The following LRRC4C variants were observed in gnomAD, a reference collection of about 807,000 sequenced individuals.
The protein encoded by LRRC4C is leucine-rich repeat-containing protein 4C.
LRRC4C carries 5 observed loss-of-function variants against 33.6 expected under a neutral mutation model. The observed-to-expected ratio is 0.15, with a 90% confidence interval of 0.08 to 0.31. The LOEUF (loss-of-function observed/expected upper bound fraction) is 0.31. LRRC4C is among the 10% of genes least tolerant of loss of function. The probability of loss-of-function intolerance (pLI) is 1.00; values close to 1 mark genes in which losing one functional copy is unlikely to be tolerated. For synonymous variants in LRRC4C, 329 were observed against 302.0 expected, an observed-to-expected ratio of 1.09 and a Z score of -0.93; for missense variants, 560 against 796.7, an observed-to-expected ratio of 0.70 and a Z score of 3.58.
At chr11:41,177,450 G>A (rs2136131140) in intron 1 of LRRC4C, among the ~76,000 whole-genome samples, 1 of 152,210 alleles carries the variant, frequency 6.6e-6, no homozygotes, top group East Asian at 1.9e-4. Flanking sequence ...AACTCCAACT[G>A]GCCTGCAGAG....
At chr11:41,442,254 C>T (rs549622099) in intron 1 of LRRC4C, among the ~76,000 whole-genome samples, 1 of 151,698 alleles carries the variant, frequency 6.6e-6, no homozygotes, top group Non-Finnish European at 1.5e-5. Context: ...ATTCTATGAC[C>T]CATAATACAA....
At chr11:40,931,085 T>C (rs1014869429) in intron 2 of LRRC4C, among the ~76,000 whole-genome samples, 2 of 152,160 alleles carry the variant, frequency 1.3e-5, no homozygotes, top group Non-Finnish European at 2.9e-5. Flanking sequence ...AGAAGAGTTT[T>C]AGAATCTCAG....
At chr11:40,145,354 G>T (rs1249096066) in intron 5 of LRRC4C, among the ~76,000 whole-genome samples, 1 of 152,012 alleles carries the variant, frequency 6.6e-6, no homozygotes, top group Non-Finnish European at 1.5e-5. Flanking sequence ...TTTTAGAAGT[G>T]CCCAGTTGGC....
chr11:40,697,797 C>T (rs1190535850), intron 2 of LRRC4C, among the ~76,000 whole-genome samples: 1 of 152,036 alleles, frequency 6.6e-6, no homozygotes, highest in Non-Finnish European at 1.5e-5. Flanking sequence ...TGGCCGGGTG[C>T]CATGGCTCAC....
intron 2 of LRRC4C, among the ~76,000 whole-genome samples, chr11:40,717,036 G>C (rs893652543): frequency 7.2e-5 from 11 of 152,052 alleles, no homozygotes; most frequent in African/African-American, 2.7e-4. Flanking sequence ...TTCTCACCCT[G>C]GAAGATTCCA....
intron 1 of LRRC4C, among the ~76,000 whole-genome samples, chr11:41,220,441 G>GC (rs1195664823): frequency 6.6e-6 from 1 of 151,008 alleles, no homozygotes; most frequent in African/African-American, 2.4e-5. Context: ...ACTTTTTTTG[G>GC]CGGGGGGGTG....
intron 5 of LRRC4C, among the ~76,000 whole-genome samples, chr11:40,162,522 G>C (rs1859239446): frequency 6.6e-6 from 1 of 152,036 alleles, no homozygotes; most frequent in Non-Finnish European, 1.5e-5. Flanking sequence ...TCTGGAATTT[G>C]GGAGATCACT....
At chr11:40,148,961 T>C (rs187176929) in intron 5 of LRRC4C, among the ~76,000 whole-genome samples, 1 of 152,316 alleles carries the variant, frequency 6.6e-6, no homozygotes, top group African/African-American at 2.4e-5. Flanking sequence ...TGCTTGTTTT[T>C]GTCAGCTTTG....
intron 1 of LRRC4C, among the ~76,000 whole-genome samples, chr11:41,190,664 G>A (rs1002707824): frequency 2.6e-5 from 4 of 152,018 alleles, no homozygotes; most frequent in African/African-American, 4.8e-5. Flanking sequence ...ATTTGTGTTC[G>A]TCTACACTTG....
chr11:41,185,199 G>A (rs1317973052), intron 1 of LRRC4C, among the ~76,000 whole-genome samples: 1 of 152,090 alleles, frequency 6.6e-6, no homozygotes, highest in Non-Finnish European at 1.5e-5. Context: ...AAAATAAATA[G>A]TAGGTAGTAT....
At chr11:40,801,766 C>G (rs888563793) in intron 2 of LRRC4C, among the ~76,000 whole-genome samples, 8 of 151,150 alleles carry the variant, frequency 5.3e-5, no homozygotes, top group Non-Finnish European at 7.4e-5. Flanking sequence ...TTTTTTTGAC[C>G]TAAAAGTAAT....
At chr11:40,490,309 C>T (rs1169842623) in intron 3 of LRRC4C, among the ~76,000 whole-genome samples, 1 of 152,116 alleles carries the variant, frequency 6.6e-6, no homozygotes, top group Non-Finnish European at 1.5e-5. Context: ...TCTGCCTTTT[C>T]ACCACTCTTG....
chr11:40,948,985 C>T (rs1170000247), intron 1 of LRRC4C, among the ~76,000 whole-genome samples: 1 of 152,116 alleles, frequency 6.6e-6, no homozygotes, highest in African/African-American at 2.4e-5. Flanking sequence ...GTCCCACCAA[C>T]AGTGTAAGAG....
At chr11:41,303,325 G>C (rs897512803) in intron 1 of LRRC4C, among the ~76,000 whole-genome samples, 24 of 127,208 alleles carry the variant, frequency 1.9e-4, no homozygotes, top group Admixed American at 7.2e-4. Context: ...CTAACCGCGA[G>C]TGATCTGCCA....
chr11:40,474,809 T>A lies in LRRC4C; in HGVS notation c.-269-155088A>T, dbSNP rs146192937. 7.6e-4 allele frequency among the ~76,000 whole-genome samples: 116 copies of A among 152,322 alleles called. 2 individuals carry two copies. In the East Asian group the frequency reaches 0.02, roughly 26 times the overall value. ...GACACTTCTCAAGAAAAGACATTTA[T>A]GTGGCCAACAAACATATGAAAAAAA... On this transcript the variant is annotated intron_variant, in intron 3 of 6. Transcript: ENST00000528697.
chr11:40,536,788 TA>T (rs994417690), intron 3 of LRRC4C, among the ~76,000 whole-genome samples: 1 of 152,166 alleles, frequency 6.6e-6, no homozygotes, highest in Non-Finnish European at 1.5e-5. Flanking sequence ...TAACTACCTT[TA>T]AAAATATTGC....
At chr11:41,388,561 A>C (rs1681320700) in intron 1 of LRRC4C, among the ~76,000 whole-genome samples, 1 of 151,894 alleles carries the variant, frequency 6.6e-6, no homozygotes, top group Non-Finnish European at 1.5e-5. Flanking sequence ...AAGATTTATG[A>C]GTTTGCTATG....
intron 2 of LRRC4C, among the ~76,000 whole-genome samples, chr11:40,927,234 T>G (rs1316271715): frequency 2.0e-5 from 3 of 151,838 alleles, no homozygotes; most frequent in Non-Finnish European, 4.4e-5. Context: ...ATTAGCCAGG[T>G]GTGGTGGTGC....
intron 3 of LRRC4C, among the ~76,000 whole-genome samples, chr11:40,359,038 T>C (rs925411932): frequency 7.2e-5 from 11 of 152,176 alleles, no homozygotes; most frequent in Non-Finnish European, 1.6e-4. Flanking sequence ...TCCTTCTGTT[T>C]AACAAAATAG....
Sources: allele counts gnomAD v4.1 joint callset (sites outside exome capture counted in the v4.1 genomes callset), GRCh38; gene constraint gnomAD v4.1.1; transcripts MANE v1.5; gene names NCBI Gene and HGNC (gene_info 2026-07-23, HGNC 2026-07-21).